MCM8: variants seen among roughly 807,000 people sequenced by gnomAD.
The protein encoded by MCM8 is minichromosome maintenance 8 homologous recombination repair factor.
In MCM8, 85 loss-of-function variants were observed where a neutral mutation model predicts 98.9. The observed-to-expected ratio is 0.86, with a 90% CI of 0.72 to 1.03. The LOEUF is 1.03. MCM8 is among the 50% of genes least tolerant of loss of function. The probability of loss-of-function intolerance (pLI) is 0.00; values close to 1 mark genes in which losing one functional copy is unlikely to be tolerated. For synonymous variants in MCM8, 352 were observed against 338.6 expected (o/e 1.04, Z -0.44); for missense variants, 951 against 997.8 (o/e 0.95, Z 0.63).
chr20:5,984,606 A>G (rs575874710), intron 14 of MCM8, among the ~76,000 whole-genome samples, 175 bp from the exon 15 acceptor site: 4 of 152,326 alleles, frequency 2.6e-5, no homozygotes, highest in Non-Finnish European at 5.9e-5. Flanking sequence ...TCTTGTGCCC[A>G]TGTTGCAGTG....
In MCM8 at chr20:5,968,039, C is replaced by G. The variant is rs367820139; in HGVS notation, c.1223+14C>G. The stretch of plus-strand genomic sequence containing the variant: ...ACTCATTGTCAAGTATGTATGCTGT[C>G]ATTTGAAATTTTATTACATAGATGC... On this transcript the variant is annotated intron_variant, in intron 10 of 18. Transcript: ENST00000610722. 145 of 1,583,000 alleles carry G rather than the reference C, an allele frequency of 9.2e-5. No homozygotes were observed. Among genetic ancestry groups the G allele is most frequent in the Admixed American group, 4.2e-4 (23 of 54,194 alleles).
At chr20:5,978,961 C>T (rs1420557447) in intron 13 of MCM8, among the ~76,000 whole-genome samples, 1 of 152,188 alleles carries the variant, frequency 6.6e-6, no homozygotes, top group Non-Finnish European at 1.5e-5. Flanking sequence ...GCATAGGGCC[C>T]AGCAAGAAGA....
chr20:5,955,296 G>A, intron 5 of MCM8, 45 bp downstream of exon 5: 1 of 1,565,180 alleles, frequency 6.4e-7, no homozygotes, highest in Non-Finnish European at 8.7e-7. Context: ...CTTTTTTAAT[G>A]TTTGCACACA....
intron 8 of MCM8, among the ~76,000 whole-genome samples, chr20:5,966,652 G>A (rs2089280346): frequency 6.6e-6 from 1 of 152,128 alleles, no homozygotes; most frequent in African/African-American, 2.4e-5. Flanking sequence ...CAATTTTTTA[G>A]GTAGTAGTTT....
intron 13 of MCM8, among the ~76,000 whole-genome samples, chr20:5,979,614 C>T (rs2089589950): frequency 6.6e-6 from 1 of 152,156 alleles, no homozygotes; most frequent in South Asian, 2.1e-4. Context: ...TCTCATACCC[C>T]ACATTAATCT....
At chr20:5,968,144 A>G (rs2089319489) in intron 10 of MCM8, 119 bp downstream of exon 10, 1 of 701,078 alleles carries the variant, frequency 1.4e-6, no homozygotes, top group Admixed American at 2.7e-5. Flanking sequence ...TACCAAATAC[A>G]GTACTCCATC....
chr20:5,957,448 C>A (rs548189532), intron 6 of MCM8, among the ~76,000 whole-genome samples: 1 of 152,296 alleles, frequency 6.6e-6, no homozygotes, highest in African/African-American at 2.4e-5. Flanking sequence ...GATTTCCTAA[C>A]CTGCAGATTT....
rs757127286 is a variant in MCM8, at chr20:5,972,010, G to A, written c.1227G>A (p.Ser409=). The A allele has an allele frequency of 2.0e-5, 32 of 1,610,810 alleles. No individual in the cohort carries two copies. Among genetic ancestry groups the A allele is most frequent in the Admixed American group, 5.0e-5 (3 of 59,724 alleles). The change falls in exon 11 of 19, where the codon TCG becomes TCA. Residue 409 remains serine, a synonymous_variant. Coordinates refer to ENST00000610722, the MANE Select transcript of MCM8 (RefSeq NM_032485.6). ...TAAGTTGTGTTCTGTTTTTCAGCTC[G>A]CTTTGCCCTGTCATTTTTGGTCATG... ...EENLFKLIVN[S]LCPVIFGHEL... is the part of the protein sequence containing the mutation.
At chr20:5,984,002 A>C (rs2089681969) in intron 14 of MCM8, among the ~76,000 whole-genome samples, 1 of 152,234 alleles carries the variant, frequency 6.6e-6, no homozygotes, top group Admixed American at 6.5e-5. Flanking sequence ...CTGTACTATT[A>C]AGTGAGAAGA....
intron 8 of MCM8, chr20:5,964,747 C>G (rs1175673366): frequency 3.3e-5 from 5 of 151,940 alleles, no homozygotes; most frequent in Non-Finnish European, 7.4e-5. Context: ...AGCGCCTGGC[C>G]CATGACCTGA....
intron 15 of MCM8, among the ~76,000 whole-genome samples, chr20:5,985,212 G>A (rs755879626): frequency 6.6e-6 from 1 of 152,090 alleles, no homozygotes; most frequent in Admixed American, 6.5e-5. Flanking sequence ...TTGGGAGGCC[G>A]AGGCAGGTGG....
intron 5 of MCM8, among the ~76,000 whole-genome samples, chr20:5,956,543 A>G (rs2088986512): frequency 6.6e-6 from 1 of 152,096 alleles, no homozygotes; most frequent in Non-Finnish European, 1.5e-5. Context: ...ATAGGCATGC[A>G]CTGCCACACT....
At chr20:5,986,331 C>T (rs1268165263) in intron 16 of MCM8, among the ~76,000 whole-genome samples, 200 bp downstream of exon 16, 1 of 152,180 alleles carries the variant, frequency 6.6e-6, no homozygotes, top group Non-Finnish European at 1.5e-5. Flanking sequence ...TTTCTAGTCA[C>T]AGAATCAATT....
At chr20:5,972,566 T>G (rs2089427292) in intron 11 of MCM8, 1 of 340,908 alleles carries the variant, frequency 2.9e-6, no homozygotes, top group Non-Finnish European at 5.7e-6. Flanking sequence ...TATTTATTTA[T>G]TTTTTTGAGA....
At chr20:5,967,799 A>C in intron 9 of MCM8, 31 bp from the exon 10 acceptor site, 2 of 1,546,460 alleles carry the variant, frequency 1.3e-6, no homozygotes, top group South Asian at 1.2e-5. Flanking sequence ...TGAAAATACC[A>C]ACTATTGTAT....
rs2089196051 is a variant in MCM8, at chr20:5,963,330, C to T, written c.846C>T (p.Leu282=). The stretch of plus-strand genomic sequence containing the variant: ...TTACTGCTCTCCGCAGCTCTCCTCT[C>T]ACAGTTACGATGGACTGGCAGTCAA... ...RSFTALRSSP[L]TVTMDWQSIK... Residue 282 remains leucine, a synonymous_variant, in exon 8 of 19, where the codon CTC becomes CTT. Transcript: ENST00000610722. 7 of 1,613,920 alleles carry T rather than the reference C, an allele frequency of 4.3e-6. No homozygotes were observed. The highest frequency in any genetic ancestry group is 1.1e-5 in the South Asian group (1 of 91,074).
rs141574549 is a variant in MCM8 at position 5,973,106 on chromosome 20, C to T, written c.1305C>T (p.Tyr435=). Residue 435 remains tyrosine (Y), a synonymous_variant, in exon 12 of 19, where the codon TAC becomes TAT. Transcript: ENST00000610722. The stretch of plus-strand genomic sequence containing the variant: ...CACTCTTTGGAGGAAGCCAGAAATA[C>T]GCAGATGACAAAAACAGAATTCCAA... The part of the protein sequence containing the change: ...ALALFGGSQK[Y]ADDKNRIPIR... 9.6e-4 allele frequency: 1,546 copies of T among 1,614,152 alleles called. 26 individuals are homozygous for T. The South Asian group carries it at 0.016, about 16-fold the overall frequency.
At chr20:5,981,660 C>CAT in intron 13 of MCM8, among the ~76,000 whole-genome samples, 1 of 152,292 alleles carries the variant, frequency 6.6e-6, no homozygotes, top group Middle Eastern at 3.4e-3. Context: ...CGTTATTATA[C>CAT]ATGAGCAAGG....
Position 5,994,945 on chromosome 20 carries a change from T to C in MCM8, c.*554T>C, listed in dbSNP as rs1020099378. 6 of 177,032 alleles carry C rather than the reference T, an allele frequency of 3.4e-5. No homozygotes were observed. The highest frequency in any genetic ancestry group is 7.4e-5 in the Non-Finnish European group (6 of 81,416). The allele number at this position is 177,032 out of a possible 1,614,324, so 11.0% of individuals were successfully genotyped here. On this transcript the variant is annotated 3_prime_UTR_variant, in exon 19 of 19. Coordinates refer to ENST00000610722, the MANE Select transcript of MCM8 (RefSeq NM_032485.6). ...AAAAAAAATTGTAGTGGTAGCCATGTGTTAATTGTTAAATAAATTCTCCAA... is the reference window on the plus strand; with the variant it reads ...AAAAAAAATTGTAGTGGTAGCCATGCGTTAATTGTTAAATAAATTCTCCAA...
Sources: gnomAD v4.1 joint callset for allele counts (sites outside exome capture counted in the v4.1 genomes callset) on GRCh38, gnomAD v4.1.1 for gene constraint, MANE v1.5 for transcripts, NCBI Gene and HGNC (gene_info 2026-07-23, HGNC 2026-07-21) for gene names.